The following EPC2 variants were observed in gnomAD, a reference collection of about 807,000 sequenced individuals.
EPC2 encodes the protein enhancer of polycomb homolog 2.
A neutral mutation model predicts 92.1 loss-of-function variants in EPC2; 14 were observed. That is an observed-to-expected ratio of 0.15 (90% CI 0.10 to 0.24). The LOEUF is 0.24. Ranked by LOEUF, EPC2 falls within the 10% of genes least tolerant of loss-of-function variation. EPC2 has a pLI of 1.00. For synonymous variants in EPC2, 340 were observed against 334.7 expected, an observed-to-expected ratio of 1.02 and a Z score of -0.17; for missense variants, 755 against 971.5, an observed-to-expected ratio of 0.78 and a Z score of 2.96.
At chr2:148,649,327 G>C (rs1680613349) in intron 1 of EPC2, among the ~76,000 whole-genome samples, 1 of 152,162 alleles carries the variant, frequency 6.6e-6, no homozygotes, top group South Asian at 2.1e-4. Flanking sequence ...AAGTTCCCTT[G>C]TGCTCCTTTG....
intron 1 of EPC2, among the ~76,000 whole-genome samples, chr2:148,647,742 C>T (rs778462337): frequency 1.1e-4 from 17 of 151,052 alleles, no homozygotes; most frequent in Non-Finnish European, 1.8e-4. Flanking sequence ...AAGTGATTCT[C>T]CTGCCTCAGC....
rs35031553 is a variant in EPC2 at position 148,774,624 on chromosome 2, T to TTATA, written c.1720+3251_1720+3254dup. 9.8e-5 allele frequency among the ~76,000 whole-genome samples: 13 copies of TTATA among 132,614 alleles called. No individual in the cohort carries two copies. In the East Asian group the frequency reaches 1.0e-3, roughly 11 times the overall value. 87.0% of individuals were successfully genotyped at this position (132,614 alleles called of 152,430 possible). On this transcript the variant is annotated intron_variant, in intron 10 of 13. Coordinates refer to ENST00000258484, the MANE Select transcript of EPC2 (RefSeq NM_015630.4). ...CCTGACTCAAAAAAAAAAATATATT[T>TTATA]TATATATATATATATATGCATGTAC...
intron 1 of EPC2, among the ~76,000 whole-genome samples, chr2:148,683,142 C>T (rs1005241470): frequency 6.6e-6 from 1 of 151,316 alleles, no homozygotes; most frequent in Non-Finnish European, 1.5e-5. Context: ...TTGGAAAAGT[C>T]CTTTAGTAGT....
chr2:148,665,367 A>T (rs1002836118), intron 1 of EPC2, among the ~76,000 whole-genome samples: 6 of 152,154 alleles, frequency 3.9e-5, no homozygotes, highest in African/African-American at 1.2e-4. Flanking sequence ...TACTGTTTGA[A>T]TTTTTTTTAC....
intron 10 of EPC2, among the ~76,000 whole-genome samples, chr2:148,777,375 T>G (rs1395037052): frequency 1.3e-5 from 2 of 152,066 alleles, no homozygotes; most frequent in African/African-American, 4.8e-5. Flanking sequence ...CTTAGCCCAG[T>G]TTAAGAAACA....
intron 3 of EPC2, among the ~76,000 whole-genome samples, chr2:148,746,282 A>C (rs2105410033): frequency 6.6e-6 from 1 of 151,940 alleles, no homozygotes; most frequent in East Asian, 1.9e-4. Context: ...TAACATCTTC[A>C]CCTGGATGGT....
intron 10 of EPC2, among the ~76,000 whole-genome samples, chr2:148,775,594 T>TTTAAATATTTAAATATTTAATTATTTAAA (rs1683616818): frequency 7.5e-6 from 1 of 133,782 alleles, no homozygotes; most frequent in Non-Finnish European, 1.6e-5. Flanking sequence ...TTTAAATATC[T>TTTAAATATTTAAATATTTAATTATTTAAA]TTAAATATTT....
intron 11 of EPC2, among the ~76,000 whole-genome samples, 164 bp downstream of exon 11, chr2:148,781,944 A>G (rs1181884806): frequency 6.6e-6 from 1 of 152,220 alleles, no homozygotes; most frequent in Non-Finnish European, 1.5e-5. Flanking sequence ...TTAAGTGACT[A>G]GCTTATAAAC....
chr2:148,700,103 T>TCTTTATATATTTTAGATACGTGTC (rs2105376784), intron 2 of EPC2, among the ~76,000 whole-genome samples: 1 of 152,294 alleles, frequency 6.6e-6, no homozygotes, highest in South Asian at 2.1e-4. Flanking sequence ...TTTTAAGTGT[T>TCTTTATATATTTTAGATACGTGTC]CTTTATATAT....
intron 10 of EPC2, among the ~76,000 whole-genome samples, chr2:148,774,312 ATG>A (rs1356914228): frequency 6.6e-6 from 1 of 152,152 alleles, no homozygotes; most frequent in Non-Finnish European, 1.5e-5. Context: ...AACGTTTTCC[ATG>A]TCATAACCCA....
chr2:148,760,198 A>G (rs1462666865), intron 4 of EPC2, among the ~76,000 whole-genome samples: 1 of 152,206 alleles, frequency 6.6e-6, no homozygotes, highest in African/African-American at 2.4e-5. Flanking sequence ...CAGAGGTTGC[A>G]GTGAGCTGAG....
intron 2 of EPC2, among the ~76,000 whole-genome samples, chr2:148,702,274 G>A (rs1298953025): frequency 6.6e-6 from 1 of 152,138 alleles, no homozygotes; most frequent in Non-Finnish European, 1.5e-5. Context: ...ATCTTGTGTT[G>A]TTAAATTTAC....
intron 4 of EPC2, among the ~76,000 whole-genome samples, chr2:148,760,518 T>C (rs2105422237): frequency 6.6e-6 from 1 of 152,354 alleles, no homozygotes; most frequent in African/African-American, 2.4e-5. Context: ...CTGCACAGTG[T>C]AGGCACTTTA....
At chr2:148,757,491 G>A (rs1683215252) in intron 4 of EPC2, among the ~76,000 whole-genome samples, 1 of 152,100 alleles carries the variant, frequency 6.6e-6, no homozygotes, top group African/African-American at 2.4e-5. Context: ...GTCTCTAGAA[G>A]CAGTGACACC....
rs534814629 is a variant in EPC2, at chr2:148,738,084, C to T, written c.314-5538C>T. Among the ~76,000 whole-genome samples the T allele has an allele frequency of 4.6e-5, 7 of 152,298 alleles. No individual in the cohort carries two copies. In the East Asian group the frequency reaches 9.6e-4, roughly 21 times the overall value. On this transcript the variant is annotated intron_variant, in intron 2 of 13. Coordinates refer to ENST00000258484, the MANE Select transcript of EPC2 (RefSeq NM_015630.4). ...CTCTGAAAATTTAATTGATGGTTCT[C>T]ACTTTGTTTCTGTTACCCGTAAAGA... is the stretch of plus-strand genomic sequence containing the variant.
intron 12 of EPC2, among the ~76,000 whole-genome samples, chr2:148,784,087 G>A (rs1278752697): frequency 6.6e-6 from 1 of 152,194 alleles, no homozygotes; most frequent in Non-Finnish European, 1.5e-5. Flanking sequence ...TGATAAAAAA[G>A]TGAAAGATAA....
intron 1 of EPC2, among the ~76,000 whole-genome samples, chr2:148,652,245 A>T (rs559368694): frequency 4.0e-4 from 61 of 152,212 alleles, no homozygotes; most frequent in Non-Finnish European, 8.1e-4. Context: ...GTAATATAGC[A>T]TGATCAAAAG....
chr2:148,645,349 G>C, intron 1 of EPC2, 179 bp downstream of exon 1: 1 of 571,822 alleles, frequency 1.7e-6, no homozygotes. Flanking sequence ...GCGCCCGCCC[G>C]CGGCCGCCAT....
intron 1 of EPC2, among the ~76,000 whole-genome samples, chr2:148,663,194 G>GTATTATTATTATTATTATTAT (rs56337513): frequency 7.3e-6 from 1 of 136,350 alleles, no homozygotes; most frequent in Non-Finnish European, 1.6e-5. Flanking sequence ...CTGTGTTTTT[G>GTATTATTATTATTATTATTAT]TATTATTATT....
Sources: gnomAD v4.1 joint callset for allele counts (sites outside exome capture counted in the v4.1 genomes callset) on GRCh38, gnomAD v4.1.1 for gene constraint, MANE v1.5 for transcripts, NCBI Gene and HGNC (gene_info 2026-07-23, HGNC 2026-07-21) for gene names.